The following CYP4X1 variants were observed in gnomAD, a reference collection of about 807,000 sequenced individuals.
CYP4X1 encodes cytochrome P450 family 4 subfamily X member 1, also known as cytochrome P450 4X1.
Under a neutral mutation model 57.9 loss-of-function variants are expected in CYP4X1, and 44 were observed. The observed-to-expected ratio is 0.76, with a 90% CI of 0.60 to 0.98. CYP4X1 has a LOEUF of 0.98. Among genes scored for constraint, CYP4X1 ranks in the 50% least tolerant of loss-of-function variants. The probability of loss-of-function intolerance (pLI) is 0.00; values close to 1 mark genes in which losing one functional copy is unlikely to be tolerated. For missense variants in CYP4X1, 532 were observed against 623.9 expected, an observed-to-expected ratio of 0.85 and a Z score of 1.57; for synonymous variants, 227 against 228.6, an observed-to-expected ratio of 0.99 and a Z score of 0.06.
At chr1:46,968,809 C>CT in the CYP4X1 span, among the ~76,000 whole-genome samples, 6 of 152,296 alleles carry the variant, frequency 3.9e-5, no homozygotes, top group African/African-American at 1.4e-4. Flanking sequence ...AGAGCAGTGC[C>CT]TTGTATCTTT....
downstream of CYP4X1, among the ~76,000 whole-genome samples, chr1:47,053,172 G>C (rs1322351812): frequency 2.0e-5 from 3 of 151,942 alleles, no homozygotes; most frequent in Non-Finnish European, 4.4e-5. Context: ...GCGGTGTTTG[G>C]TTTTTTGTCC....
chr1:46,986,689 G>A, the CYP4X1 span, among the ~76,000 whole-genome samples: 1 of 152,168 alleles, frequency 6.6e-6, no homozygotes, highest in Non-Finnish European at 1.5e-5. Context: ...GGATCTCTCT[G>A]CAGAAATCCT....
chr1:47,038,682 G>T lies in CYP4X1; in HGVS notation c.798G>T (p.Lys266Asn). Residue 266 changes from lysine (K) to asparagine (N), a missense_variant, in exon 7 of 12, where the codon AAG (lysine) becomes AAT (asparagine). Transcript: ENST00000371901. ...CAGATACAATAATCCAGGAAAGAAA[G>T]AAATCCCTCCAGGCTGGGGTAAAGC... ...QYTDTIIQER[K>N]KSLQAGVKQD... 1 of 1,608,746 alleles carries T rather than the reference G, an allele frequency of 6.2e-7. No homozygotes were observed.
At chr1:46,976,825 C>A in the CYP4X1 span, among the ~76,000 whole-genome samples, 8 of 152,300 alleles carry the variant, frequency 5.3e-5, no homozygotes, top group Admixed American at 2.6e-4. Flanking sequence ...GATACCCAGG[C>A]AAACAGTGTT....
upstream of CYP4X1, among the ~76,000 whole-genome samples, chr1:47,021,912 C>A (rs967736786): frequency 6.6e-6 from 1 of 152,088 alleles, no homozygotes; most frequent in Non-Finnish European, 1.5e-5. Flanking sequence ...ACCCAGGGAC[C>A]GGACCAGGCA....
chr1:47,033,504 A>T, intron 4 of CYP4X1, 136 bp downstream of exon 4: 6 of 1,080,624 alleles, frequency 5.6e-6, no homozygotes, highest in African/African-American at 1.6e-5. Flanking sequence ...TACTTATTGA[A>T]CAATAGGTGT....
the CYP4X1 span, chr1:46,961,849 A>G: frequency 8.8e-7 from 1 of 1,132,208 alleles, no homozygotes; most frequent in South Asian, 1.4e-5. Context: ...TTATCCCATC[A>G]AACAGACAAC....
chr1:47,031,364 C>T (rs1644121777), intron 2 of CYP4X1, 72 bp from the exon 3 acceptor site: 8 of 1,560,674 alleles, frequency 5.1e-6, no homozygotes, highest in South Asian at 2.3e-5. Context: ...TGCAGAAAAC[C>T]GTCACCAACT....
chr1:46,998,774 T>C, the CYP4X1 span, among the ~76,000 whole-genome samples: 1 of 152,080 alleles, frequency 6.6e-6, no homozygotes, highest in Admixed American at 6.6e-5. Context: ...AGGAGTCCAG[T>C]TTTATTTTGT....
chr1:47,038,599 G>A (rs1644210867), intron 6 of CYP4X1, 61 bp from the exon 7 acceptor site: 1 of 1,341,980 alleles, frequency 7.5e-7, no homozygotes, highest in African/African-American at 1.5e-5. Flanking sequence ...ACCATGGCTT[G>A]CTTTATAATT....
chr1:46,987,141 G>T, the CYP4X1 span, among the ~76,000 whole-genome samples: 15 of 152,238 alleles, frequency 9.9e-5, no homozygotes, highest in South Asian at 2.1e-4. Context: ...CATCATACAT[G>T]CAAAGACACA....
At chr1:46,974,111 T>C in the CYP4X1 span, among the ~76,000 whole-genome samples, 1 of 152,190 alleles carries the variant, frequency 6.6e-6, no homozygotes, top group Non-Finnish European at 1.5e-5. Flanking sequence ...GATTCTCATA[T>C]GTTGTATTTT....
the CYP4X1 span, among the ~76,000 whole-genome samples, chr1:46,962,636 TC>T: frequency 8.9e-3 from 1,353 of 152,356 alleles, 22 homozygotes; most frequent in African/African-American, 0.031. Context: ...TAATTTCTGT[TC>T]TTCTACATTT....
chr1:47,023,845 T>A lies in CYP4X1; in HGVS notation c.28T>A (p.Trp10Arg). Residue 10 changes from tryptophan (W) to arginine (R), a missense_variant, in exon 1 of 12, where the codon TGG (tryptophan) becomes AGG (arginine). Physicochemically the swap from Trp to Arg is moderately radical, Grantham distance 101 (BLOSUM62 -3). Coordinates refer to ENST00000371901, the MANE Select transcript of CYP4X1 (RefSeq NM_178033.2). ...GGAATTCTCCTGGCTGGAGACGCGCTGGGCGCGGCCCTTTTACCTGGCGTT... is the reference window on the plus strand; with the variant it reads ...GGAATTCTCCTGGCTGGAGACGCGCAGGGCGCGGCCCTTTTACCTGGCGTT... MEFSWLETR[W>R]ARPFYLAFVF... 1 of 1,613,372 alleles carries A rather than the reference T, an allele frequency of 6.2e-7. No individual in the cohort carries two copies. Among genetic ancestry groups the A allele is most frequent in the Non-Finnish European group, 8.5e-7 (1 of 1,179,936 alleles).
At chr1:46,980,071 C>G in the CYP4X1 span, among the ~76,000 whole-genome samples, 1 of 152,166 alleles carries the variant, frequency 6.6e-6, no homozygotes, top group African/African-American at 2.4e-5. Flanking sequence ...TGGCACAAGA[C>G]AGGGGTGCCC....
At chr1:46,974,817 T>G in the CYP4X1 span, among the ~76,000 whole-genome samples, 2 of 152,182 alleles carry the variant, frequency 1.3e-5, no homozygotes, top group Non-Finnish European at 2.9e-5. Flanking sequence ...TTTGAGCCTA[T>G]GGATGTCCTT....
chr1:46,974,198 G>A, the CYP4X1 span, among the ~76,000 whole-genome samples: 83 of 152,228 alleles, frequency 5.5e-4, no homozygotes, highest in Non-Finnish European at 5.0e-4. Context: ...CAGAAGCAGA[G>A]TGTTTAATTT....
At chr1:47,044,621 TAGTATTC>T (rs1644281542) in intron 8 of CYP4X1, among the ~76,000 whole-genome samples, 1 of 152,200 alleles carries the variant, frequency 6.6e-6, no homozygotes, top group African/African-American at 2.4e-5. Context: ...TGTTGTTAAT[TAGTATTC>T]TTTCATTTCA....
intron 1 of CYP4X1, among the ~76,000 whole-genome samples, chr1:47,026,828 C>T (rs539786530): frequency 1.3e-3 from 204 of 152,232 alleles, no homozygotes; most frequent in African/African-American, 4.8e-3. Flanking sequence ...AGCGATTCTC[C>T]TGCCTCAGCC....
Sources: allele counts gnomAD v4.1 joint callset (sites outside exome capture counted in the v4.1 genomes callset), GRCh38; gene constraint gnomAD v4.1.1; transcripts MANE v1.5; gene names NCBI Gene and HGNC (gene_info 2026-07-23, HGNC 2026-07-21).